The following SCAPER variants were observed in gnomAD, a reference collection of about 807,000 sequenced individuals.
SCAPER encodes S-phase cyclin A associated protein in the ER.
SCAPER carries 98 observed loss-of-function variants against 182.2 expected under a neutral mutation model. That is an observed-to-expected ratio of 0.54 (90% CI 0.46 to 0.64). The LOEUF (loss-of-function observed/expected upper bound fraction) is 0.64. Ranked by LOEUF, SCAPER falls within the 30% of genes least tolerant of loss-of-function variation. The pLI is 0.00. For missense variants in SCAPER, 1,432 were observed against 1,690.0 expected (o/e 0.85, Z 2.68); for synonymous variants, 605 against 564.6 (o/e 1.07, Z -1.01).
In SCAPER at chr15:76,632,901, G is replaced by A. The variant is rs536030008; in HGVS notation, c.2646-11072C>T. On this transcript the variant is annotated intron_variant, in intron 21 of 31. Coordinates refer to ENST00000563290, the MANE Select transcript of SCAPER (RefSeq NM_020843.4). ...GCAATTCTCCTGCCTCAGCCTCCTG[G>A]TTAGCTGGGATTACAGGCATGCACC... Among the ~76,000 whole-genome samples the A allele has an allele frequency of 6.6e-5, 10 of 150,898 alleles. No homozygotes were observed. In the South Asian group the frequency reaches 1.7e-3, roughly 25 times the overall value.
chr15:76,497,989 C>CAAAAAAAAAAAAAAA lies in SCAPER; in HGVS notation c.2954+6855_2954+6869dup, dbSNP rs747096625. On this transcript the variant is annotated intron_variant, in intron 24 of 31. Coordinates refer to ENST00000563290, the MANE Select transcript of SCAPER (RefSeq NM_020843.4). The stretch of plus-strand genomic sequence containing the variant: ...CTGGTGATGGAGCGAGACTCCGTCT[C>CAAAAAAAAAAAAAAA]AAAAAAAAAAAAAAAAAAAAAAAAA... Among the ~76,000 whole-genome samples the CAAAAAAAAAAAAAAA allele has an allele frequency of 1.7e-4, 10 of 58,326 alleles. 1 individual carries two copies. The highest frequency in any genetic ancestry group is 5.7e-4 in the African/African-American group (9 of 15,784). 38.3% of individuals were successfully genotyped at this position (58,326 alleles called of 152,430 possible). A position where few individuals can be genotyped will look rare whatever the true frequency, so the allele number is the denominator to read the frequency against.
At chr15:76,444,918 A>G (rs2047888499) in intron 25 of SCAPER, among the ~76,000 whole-genome samples, 1 of 152,176 alleles carries the variant, frequency 6.6e-6, no homozygotes, top group South Asian at 2.1e-4. Flanking sequence ...ACATTCATTG[A>G]CTTTTAAAAT....
At chr15:76,693,053 G>T (rs2058463851) in intron 20 of SCAPER, among the ~76,000 whole-genome samples, 2 of 152,024 alleles carry the variant, frequency 1.3e-5, no homozygotes. Context: ...TCTTCTTGTT[G>T]CTCTGTCAAT....
intron 24 of SCAPER, among the ~76,000 whole-genome samples, chr15:76,499,491 C>T (rs908998224): frequency 6.6e-6 from 1 of 152,170 alleles, no homozygotes; most frequent in East Asian, 1.9e-4. Flanking sequence ...TACTGCTTTG[C>T]TTTCATCTGC....
At chr15:76,806,254 C>T (rs2066153243) in intron 5 of SCAPER, among the ~76,000 whole-genome samples, 2 of 152,196 alleles carry the variant, frequency 1.3e-5, no homozygotes, top group African/African-American at 4.8e-5. Context: ...ATTTGTTGCA[C>T]ACAGATATCC....
chr15:76,866,628 AC>A (rs2072321718), intron 2 of SCAPER, among the ~76,000 whole-genome samples: 1 of 152,200 alleles, frequency 6.6e-6, no homozygotes, highest in Non-Finnish European at 1.5e-5. Flanking sequence ...ATTTTAAAGC[AC>A]AGATGCTTTT....
chr15:76,784,437 T>C (rs1397162527), intron 8 of SCAPER, among the ~76,000 whole-genome samples: 2 of 152,146 alleles, frequency 1.3e-5, no homozygotes, highest in Non-Finnish European at 2.9e-5. Context: ...GAAGAATCAA[T>C]ATTGTGAAAA....
chr15:76,495,944 A>T (rs2040458335), intron 24 of SCAPER, among the ~76,000 whole-genome samples: 1 of 150,648 alleles, frequency 6.6e-6, no homozygotes, highest in Non-Finnish European at 1.5e-5. Flanking sequence ...GAGCTGTATT[A>T]TGCTACCAGG....
intron 20 of SCAPER, among the ~76,000 whole-genome samples, chr15:76,696,057 A>G (rs947576707): frequency 4.6e-5 from 7 of 152,208 alleles, no homozygotes; most frequent in African/African-American, 1.7e-4. Flanking sequence ...GGCAAATAAG[A>G]TGTTTCATAA....
intron 4 of SCAPER, among the ~76,000 whole-genome samples, chr15:76,846,512 T>C (rs746537689): frequency 5.3e-5 from 8 of 152,072 alleles, no homozygotes; most frequent in Non-Finnish European, 1.2e-4. Flanking sequence ...GGAAAAAATC[T>C]CATAAACCAA....
At chr15:76,402,001 C>T (rs912398273) in intron 27 of SCAPER, among the ~76,000 whole-genome samples, 8 of 152,138 alleles carry the variant, frequency 5.3e-5, no homozygotes, top group Admixed American at 5.2e-4. Flanking sequence ...GTGGCCTGTG[C>T]CTGTAATCCA....
intron 23 of SCAPER, among the ~76,000 whole-genome samples, chr15:76,569,035 C>T (rs1370575373): frequency 1.3e-5 from 2 of 151,874 alleles, no homozygotes; most frequent in Non-Finnish European, 2.9e-5. Context: ...CACTTTTTCT[C>T]TCAAATCTTA....
chr15:76,479,359 T>C (rs574419269), intron 24 of SCAPER, among the ~76,000 whole-genome samples: 2 of 152,284 alleles, frequency 1.3e-5, no homozygotes, highest in Admixed American at 1.3e-4. Context: ...AAGCACGTTT[T>C]AACATCAAAC....
intron 21 of SCAPER, among the ~76,000 whole-genome samples, chr15:76,626,400 A>T (rs937442276): frequency 2.6e-5 from 4 of 152,234 alleles, no homozygotes; most frequent in African/African-American, 7.2e-5. Context: ...AGAAGGAAGA[A>T]GATGACATAA....
chr15:76,430,274 T>C (rs1214146115), intron 26 of SCAPER, among the ~76,000 whole-genome samples: 3 of 152,166 alleles, frequency 2.0e-5, no homozygotes, highest in African/African-American at 7.2e-5. Context: ...TCAGAGCCCC[T>C]ACACAGAGTC....
At chr15:76,714,429 T>C (rs906853581) in intron 17 of SCAPER, among the ~76,000 whole-genome samples, 2 of 152,196 alleles carry the variant, frequency 1.3e-5, no homozygotes, top group Admixed American at 6.5e-5. Context: ...TGGTGGTATC[T>C]ACTTAAGTTG....
intron 24 of SCAPER, among the ~76,000 whole-genome samples, chr15:76,479,063 A>G (rs1448484030): frequency 6.6e-6 from 1 of 152,170 alleles, no homozygotes; most frequent in Non-Finnish European, 1.5e-5. Flanking sequence ...TACATTATAT[A>G]GAAAAGTCAT....
intron 5 of SCAPER, among the ~76,000 whole-genome samples, chr15:76,828,934 C>A (rs1340315951): frequency 6.6e-6 from 1 of 152,170 alleles, no homozygotes; most frequent in Non-Finnish European, 1.5e-5. Flanking sequence ...ATCAAATGAT[C>A]CAGCAATCCC....
At chr15:76,422,437 T>C (rs1452629873) in intron 26 of SCAPER, among the ~76,000 whole-genome samples, 2 of 152,186 alleles carry the variant, frequency 1.3e-5, no homozygotes, top group African/African-American at 4.8e-5. Context: ...TACTGGAGTA[T>C]AAGAATGCTT....
Sources: gnomAD v4.1 joint callset for allele counts (sites outside exome capture counted in the v4.1 genomes callset) on GRCh38, gnomAD v4.1.1 for gene constraint, MANE v1.5 for transcripts, NCBI Gene and HGNC (gene_info 2026-07-23, HGNC 2026-07-21) for gene names.